Variants in FMN1 observed in about 807,000 individuals in gnomAD.
FMN1 encodes the protein formin 1, also known as formin-1.
Under a neutral mutation model 132.4 loss-of-function variants are expected in FMN1, and 110 were observed. That is an observed-to-expected ratio of 0.83 (90% confidence interval 0.71 to 0.97). FMN1 has a LOEUF of 0.97. FMN1 is among the 50% of genes least tolerant of loss of function. The pLI is 0.00. For synonymous variants in FMN1, 722 were observed against 651.7 expected (o/e 1.11, Z -1.64); for missense variants, 1,792 against 1,705.3 (o/e 1.05, Z -0.90).
At chr15:33,136,290 CTG>C (rs1436185460) in intron 4 of FMN1, among the ~76,000 whole-genome samples, 2 of 152,210 alleles carry the variant, frequency 1.3e-5, no homozygotes, top group Non-Finnish European at 2.9e-5. Flanking sequence ...AGGGACAGGA[CTG>C]TTAAAAATTG....
At chr15:33,092,339 T>C (rs1200575254) in intron 4 of FMN1, among the ~76,000 whole-genome samples, 1 of 152,196 alleles carries the variant, frequency 6.6e-6, no homozygotes, top group East Asian at 1.9e-4. Context: ...TCAGTCTGTC[T>C]AGCAGGGGTA....
At chr15:33,123,991 GCTA>G (rs1372442798) in intron 4 of FMN1, among the ~76,000 whole-genome samples, 3 of 152,252 alleles carry the variant, frequency 2.0e-5, no homozygotes, top group East Asian at 3.9e-4. Context: ...AGTAACCATA[GCTA>G]CTAAGACAGT....
At chr15:33,054,388 A>C (rs1327556416) in intron 6 of FMN1, among the ~76,000 whole-genome samples, 3 of 152,140 alleles carry the variant, frequency 2.0e-5, no homozygotes, top group Non-Finnish European at 4.4e-5. Context: ...AAATATTCTT[A>C]TATTTATTAA....
In FMN1 at chr15:33,041,751, G is replaced by C. The variant is rs569848559; in HGVS notation, c.2161+23206C>G. On this transcript the variant is annotated intron_variant, in intron 6 of 20. Coordinates refer to ENST00000616417, the MANE Select transcript of FMN1 (RefSeq NM_001277313.2). ...TGAAAAAATTAGAACCCTTGTGCAT[G>C]ATTGGCAGAAATATAAATGAGGGAA... is the stretch of plus-strand genomic sequence containing the variant. Among the ~76,000 whole-genome samples, 4 of 152,192 alleles carry C rather than the reference G, an allele frequency of 2.6e-5. No homozygotes were observed. The East Asian group carries it at 7.7e-4, about 29-fold the overall frequency.
At chr15:32,994,000 T>C (rs1378713311) in intron 7 of FMN1, among the ~76,000 whole-genome samples, 1 of 152,016 alleles carries the variant, frequency 6.6e-6, no homozygotes, top group Non-Finnish European at 1.5e-5. Context: ...GTTCTGAAGA[T>C]GAAATTGGGA....
intron 6 of FMN1, chr15:33,012,291 G>C: frequency 1.3e-6 from 1 of 749,618 alleles, no homozygotes; most frequent in Non-Finnish European, 2.4e-6. Context: ...AGAGGCTTTG[G>C]GTTTGTCTCA....
chr15:32,889,542 G>C (rs912223584), intron 15 of FMN1, among the ~76,000 whole-genome samples: 2 of 152,006 alleles, frequency 1.3e-5, no homozygotes, highest in African/African-American at 4.8e-5. Flanking sequence ...ACTCCCTCTA[G>C]ACCTTCATGA....
At chr15:32,799,026 G>A in intron 18 of FMN1, 73 bp from the exon 19 acceptor site, 1 of 1,253,312 alleles carries the variant, frequency 8.0e-7, no homozygotes, top group Non-Finnish European at 1.1e-6. Context: ...CATTAGAGGG[G>A]GGATGCTGGG....
chr15:32,829,553 T>C (rs1040993388), intron 17 of FMN1, among the ~76,000 whole-genome samples: 5 of 152,198 alleles, frequency 3.3e-5, no homozygotes, highest in African/African-American at 9.6e-5. Flanking sequence ...GCCCGTGCCT[T>C]CCTTTGAGGC....
Position 32,908,596 on chromosome 15 carries a change from ACAAAACC to A in FMN1, c.3289-25_3289-19del. 1.4e-6 allele frequency: 2 copies of A among 1,434,664 alleles called. No homozygotes were observed. Among genetic ancestry groups the A allele is most frequent in the Non-Finnish European group, 1.9e-6 (2 of 1,050,836 alleles). 88.9% of individuals were successfully genotyped at this position (1,434,664 alleles called of 1,614,324 possible). A position where few individuals can be genotyped will look rare whatever the true frequency, so the allele number is the denominator to read the frequency against. On this transcript the variant is annotated intron_variant, in intron 11 of 20. Coordinates refer to ENST00000616417, the MANE Select transcript of FMN1 (RefSeq NM_001277313.2). ...TGGGCTCTCTGTATCAAAATAGAAA[ACAAAACC>A]AAAAAAAAAAAAAAAAAAAAGGGAA...
At chr15:32,946,496 T>A (rs1451221248) in intron 9 of FMN1, among the ~76,000 whole-genome samples, 2 of 152,200 alleles carry the variant, frequency 1.3e-5, no homozygotes, top group Non-Finnish European at 2.9e-5. Flanking sequence ...AGCAAAGATG[T>A]ACATTCCTAA....
chr15:32,823,740 T>C (rs966267425), intron 17 of FMN1, among the ~76,000 whole-genome samples: 1 of 152,234 alleles, frequency 6.6e-6, no homozygotes, highest in African/African-American at 2.4e-5. Flanking sequence ...AAAATACCAA[T>C]TTTAAAGGCA....
At chr15:33,054,015 C>T (rs2037102255) in intron 6 of FMN1, among the ~76,000 whole-genome samples, 1 of 152,114 alleles carries the variant, frequency 6.6e-6, no homozygotes, top group African/African-American at 2.4e-5. Context: ...CCTCTCCTCT[C>T]CCTGAGAGTT....
intron 17 of FMN1, among the ~76,000 whole-genome samples, chr15:32,825,930 T>G (rs1259684516): frequency 6.6e-6 from 1 of 152,246 alleles, no homozygotes; most frequent in East Asian, 1.9e-4. Context: ...CCAAATTGTA[T>G]TAGACCTGAC....
At chr15:33,094,941 G>A (rs2039026323) in intron 4 of FMN1, among the ~76,000 whole-genome samples, 1 of 152,142 alleles carries the variant, frequency 6.6e-6, no homozygotes, top group Non-Finnish European at 1.5e-5. Context: ...GGAGATTGTA[G>A]GATTCACTGA....
intron 4 of FMN1, among the ~76,000 whole-genome samples, chr15:33,127,132 G>A (rs1293632106): frequency 6.6e-6 from 1 of 152,028 alleles, no homozygotes; most frequent in East Asian, 1.9e-4. Context: ...CTGTTAACAA[G>A]CAGTAGCAGA....
chr15:33,071,888 G>C (rs542340520), intron 5 of FMN1, among the ~76,000 whole-genome samples: 1 of 152,310 alleles, frequency 6.6e-6, no homozygotes, highest in South Asian at 2.1e-4. Context: ...AGGGAGGATA[G>C]TAATCACTTC....
At chr15:32,974,725 C>T (rs150574309) in intron 7 of FMN1, among the ~76,000 whole-genome samples, 1 of 152,322 alleles carries the variant, frequency 6.6e-6, no homozygotes, top group African/African-American at 2.4e-5. Context: ...GTTCTTAATC[C>T]GTATTCTGCT....
At chr15:32,879,904 A>C (rs986796748) in intron 16 of FMN1, among the ~76,000 whole-genome samples, 1 of 152,206 alleles carries the variant, frequency 6.6e-6, no homozygotes, top group South Asian at 2.1e-4. Flanking sequence ...CAGTTTAAAG[A>C]ATCAGTACAT....
Sources: gnomAD v4.1 joint callset for allele counts (sites outside exome capture counted in the v4.1 genomes callset) on GRCh38, gnomAD v4.1.1 for gene constraint, MANE v1.5 for transcripts, NCBI Gene and HGNC (gene_info 2026-07-23, HGNC 2026-07-21) for gene names.